The following INTS7 variants were observed in gnomAD, a reference collection of about 807,000 sequenced individuals.
INTS7 encodes the protein integrator complex subunit 7, also known as chromosome 1 open reading frame 73.
A neutral mutation model predicts 109.2 loss-of-function variants in INTS7; 46 were observed. The observed-to-expected ratio is 0.42, with a 90% confidence interval of 0.33 to 0.54. The LOEUF is 0.54. Ranked by LOEUF, INTS7 falls within the 20% of genes least tolerant of loss-of-function variation. The probability of loss-of-function intolerance (pLI) is 0.07; values close to 1 mark genes in which losing one functional copy is unlikely to be tolerated. For synonymous variants in INTS7, 412 were observed against 402.9 expected, an observed-to-expected ratio of 1.02 and a Z score of -0.27; for missense variants, 929 against 1,132.4, an observed-to-expected ratio of 0.82 and a Z score of 2.58.
intron 16 of INTS7, among the ~76,000 whole-genome samples, chr1:211,961,791 A>G (rs950189121): frequency 6.6e-6 from 1 of 152,188 alleles, no homozygotes; most frequent in African/African-American, 2.4e-5. Context: ...ACTAAGCTTC[A>G]TGAGTGACAG....
chr1:212,008,481 G>A (rs1029951807), intron 5 of INTS7, among the ~76,000 whole-genome samples: 1 of 152,038 alleles, frequency 6.6e-6, no homozygotes, highest in Non-Finnish European at 1.5e-5. Flanking sequence ...TATTCCCATA[G>A]GTTGGTAATA....
intron 3 of INTS7, among the ~76,000 whole-genome samples, chr1:212,018,277 T>C (rs1666527569): frequency 6.6e-6 from 1 of 152,116 alleles, no homozygotes; most frequent in Non-Finnish European, 1.5e-5. Context: ...GTGATCCTTC[T>C]TTTTGGAAGC....
chr1:212,022,672 C>T (rs986708564), intron 1 of INTS7, among the ~76,000 whole-genome samples: 2 of 151,060 alleles, frequency 1.3e-5, no homozygotes, highest in East Asian at 1.9e-4. Flanking sequence ...ATAACTATAA[C>T]TCTCATACCT....
chr1:211,952,747 T>A (rs756913905), intron 16 of INTS7, 46 bp from the exon 17 acceptor site: 4 of 1,486,062 alleles, frequency 2.7e-6, no homozygotes, highest in Non-Finnish European at 2.8e-6. Context: ...ATAGCATGGC[T>A]ATTTAATGCC....
At chr1:211,980,482 G>T (rs563440715) in intron 10 of INTS7, among the ~76,000 whole-genome samples, 2 of 151,894 alleles carry the variant, frequency 1.3e-5, no homozygotes, top group Admixed American at 1.3e-4. Flanking sequence ...TTCACATAGG[G>T]TAGAGAACAG....
chr1:212,015,225 A>C (rs1666368638), intron 4 of INTS7, among the ~76,000 whole-genome samples: 2 of 152,330 alleles, frequency 1.3e-5, no homozygotes, highest in Non-Finnish European at 2.9e-5. Context: ...CAGCTCATTG[A>C]GAACAGGCCA....
intron 1 of INTS7, among the ~76,000 whole-genome samples, chr1:212,032,563 G>A (rs1415901751): frequency 2.7e-5 from 4 of 146,382 alleles, no homozygotes; most frequent in Admixed American, 6.9e-5. Flanking sequence ...TGGAAGCCCC[G>A]CCTCCCAGGT....
intron 7 of INTS7, among the ~76,000 whole-genome samples, chr1:211,995,006 G>C (rs1196592113): frequency 6.6e-6 from 1 of 151,790 alleles, no homozygotes; most frequent in East Asian, 1.9e-4. Context: ...AAAGATAACT[G>C]GCAATTAGAT....
Position 212,019,649 on chromosome 1 carries a change from T to A in INTS7, c.371+473A>T, listed in dbSNP as rs919716191. 3.3e-5 allele frequency among the ~76,000 whole-genome samples: 5 copies of A among 152,302 alleles called. 1 individual carries two copies. Among genetic ancestry groups the A allele is most frequent in the East Asian group, 3.9e-4 (2 of 5,184 alleles). ...TGAAATTCTAACAAATAAATTTTTT[T>A]AAATATGCCAAGAAAGAAAAGAAAA... On this transcript the variant is annotated intron_variant, in intron 3 of 19. Coordinates refer to ENST00000366994, the MANE Select transcript of INTS7 (RefSeq NM_015434.4).
At chr1:211,947,028 T>C (rs1257955340) in intron 17 of INTS7, among the ~76,000 whole-genome samples, 1 of 152,224 alleles carries the variant, frequency 6.6e-6, no homozygotes, top group Non-Finnish European at 1.5e-5. Flanking sequence ...TTATATTAGA[T>C]ACTAAAATAT....
Position 212,006,585 on chromosome 1 carries a change from A to G in INTS7, c.879+54T>C. The G allele has an allele frequency of 4.6e-6, 4 of 875,416 alleles. No individual in the cohort carries two copies. The South Asian group carries it at 1.2e-4, about 27-fold the overall frequency. 54.2% of individuals were successfully genotyped at this position (875,416 alleles called of 1,614,324 possible). ...ATATAAAAATGCAAAACATTTTACT[A>G]TATTATAATGTTATATTATTTTTTC... is the stretch of plus-strand genomic sequence containing the variant. On this transcript the variant is annotated intron_variant, in intron 7 of 19. Coordinates refer to ENST00000366994, the MANE Select transcript of INTS7 (RefSeq NM_015434.4).
At chr1:211,987,429 A>G (rs1018743913) in intron 8 of INTS7, among the ~76,000 whole-genome samples, 4 of 152,212 alleles carry the variant, frequency 2.6e-5, no homozygotes, top group South Asian at 2.1e-4. Flanking sequence ...TGAATAGGTA[A>G]CTAGGAAAGT....
chr1:212,001,064 CTTTTTTT>C (rs71137715), intron 7 of INTS7, among the ~76,000 whole-genome samples: 9 of 122,836 alleles, frequency 7.3e-5, no homozygotes, highest in South Asian at 2.7e-4. Context: ...GGCAGAATTC[CTTTTTTT>C]TTTTTTTTTT....
chr1:211,988,040 A>C (rs776586737), intron 7 of INTS7, 37 bp from the exon 8 acceptor site: 2 of 989,256 alleles, frequency 2.0e-6, no homozygotes, highest in Non-Finnish European at 3.2e-6. Context: ...AGAAGTTAAA[A>C]CATCAATATA....
At chr1:211,953,602 C>T (rs1663217315) in intron 16 of INTS7, among the ~76,000 whole-genome samples, 1 of 142,424 alleles carries the variant, frequency 7.0e-6, no homozygotes, top group Non-Finnish European at 1.5e-5. Context: ...TTCCTGTGTC[C>T]ATGTGTTCTC....
chr1:211,990,168 A>AT (rs201874132), intron 7 of INTS7, among the ~76,000 whole-genome samples: 1,700 of 152,242 alleles, frequency 0.011, 30 homozygotes, highest in African/African-American at 0.038. Context: ...CACAAAGGTG[A>AT]TTTTTTTACA....
At chr1:212,013,313 G>A (rs965649487) in intron 4 of INTS7, among the ~76,000 whole-genome samples, 2 of 152,076 alleles carry the variant, frequency 1.3e-5, no homozygotes, top group African/African-American at 2.4e-5. Flanking sequence ...GAGACACTGT[G>A]CCCAGCTATG....
chr1:212,007,168 G>T (rs1558050493), intron 6 of INTS7, 82 bp downstream of exon 6: 1 of 993,446 alleles, frequency 1.0e-6, no homozygotes. Context: ...CTCAAGACTT[G>T]TGGGCCACTT....
intron 7 of INTS7, among the ~76,000 whole-genome samples, chr1:211,997,809 G>A (rs916842629): frequency 2.0e-5 from 3 of 150,920 alleles, no homozygotes; most frequent in Non-Finnish European, 4.4e-5. Context: ...AACCTGGGAG[G>A]TGGAGGCTGC....
Sources: allele counts gnomAD v4.1 joint callset (sites outside exome capture counted in the v4.1 genomes callset), GRCh38; gene constraint gnomAD v4.1.1; transcripts MANE v1.5; gene names NCBI Gene and HGNC (gene_info 2026-07-23, HGNC 2026-07-21).